CADM2: variants seen among roughly 807,000 people sequenced by gnomAD.
CADM2 encodes the protein cell adhesion molecule 2.
A neutral mutation model predicts 49.8 loss-of-function variants in CADM2; 12 were observed. The observed-to-expected ratio is 0.24, with a 90% CI of 0.15 to 0.39. The LOEUF is 0.39. CADM2 is among the 10% of genes least tolerant of loss of function. CADM2 has a pLI of 1.00. For synonymous variants in CADM2, 214 were observed against 175.4 expected, an observed-to-expected ratio of 1.22 and a Z score of -1.74; for missense variants, 378 against 492.3, an observed-to-expected ratio of 0.77 and a Z score of 2.20.
chr3:85,295,826 T>G (rs1320864183), intron 1 of CADM2, among the ~76,000 whole-genome samples: 2 of 151,892 alleles, frequency 1.3e-5, no homozygotes. Flanking sequence ...TACCTAATGC[T>G]AGATGACGAG....
At chr3:85,213,342 T>C (rs2041846362) in intron 1 of CADM2, among the ~76,000 whole-genome samples, 1 of 150,216 alleles carries the variant, frequency 6.7e-6, no homozygotes, top group African/African-American at 2.5e-5. Context: ...GATATACTAT[T>C]CTAGTATAAT....
chr3:85,946,583 G>A (rs1217053789), intron 7 of CADM2, among the ~76,000 whole-genome samples: 7 of 151,858 alleles, frequency 4.6e-5, no homozygotes. Flanking sequence ...GCATGGTACT[G>A]GTACCAAAAC....
Position 85,338,340 on chromosome 3 carries a change from C to A in CADM2, c.61+378672C>A, listed in dbSNP as rs546111424. ...AAAATACTTTTAATAACTGGTTAAT[C>A]CAATCCACCTTTGTCTAGATGGATT... is the stretch of plus-strand genomic sequence containing the variant. On this transcript the variant is annotated intron_variant, in intron 1 of 9. Coordinates refer to ENST00000383699, the MANE Select transcript of CADM2 (RefSeq NM_001167675.2). Among the ~76,000 whole-genome samples the A allele has an allele frequency of 5.9e-5, 9 of 151,630 alleles. No homozygotes were observed. In the South Asian group the frequency reaches 1.9e-3, roughly 31 times the overall value.
chr3:85,857,829 T>A (rs2075374844), intron 3 of CADM2, among the ~76,000 whole-genome samples: 1 of 152,194 alleles, frequency 6.6e-6, no homozygotes, highest in African/African-American at 2.4e-5. Flanking sequence ...TTTACCACCA[T>A]CAGCAGTGCA....
intron 1 of CADM2, among the ~76,000 whole-genome samples, chr3:85,358,869 G>T (rs1021533804): frequency 6.6e-6 from 1 of 152,110 alleles, no homozygotes; most frequent in Non-Finnish European, 1.5e-5. Context: ...AACGATTGAA[G>T]CTGCAAATAG....
intron 1 of CADM2, among the ~76,000 whole-genome samples, chr3:85,369,815 G>C (rs1232858999): frequency 1.3e-5 from 2 of 152,104 alleles, no homozygotes; most frequent in Non-Finnish European, 2.9e-5. Flanking sequence ...AACTGCTCAA[G>C]TGTCCCTTTG....
At chr3:85,864,780 TTTAGA>T (rs2075663103) in intron 3 of CADM2, among the ~76,000 whole-genome samples, 1 of 152,250 alleles carries the variant, frequency 6.6e-6, no homozygotes, top group African/African-American at 2.4e-5. Context: ...TTAAACACAC[TTTAGA>T]TTATTTATGT....
intron 2 of CADM2, among the ~76,000 whole-genome samples, chr3:85,763,872 G>T (rs1250052230): frequency 6.6e-6 from 1 of 151,974 alleles, no homozygotes; most frequent in Non-Finnish European, 1.5e-5. Flanking sequence ...TACTGATATT[G>T]CCTGGCAGTC....
chr3:85,228,878 A>G (rs1474862597), intron 1 of CADM2, among the ~76,000 whole-genome samples: 4 of 152,108 alleles, frequency 2.6e-5, no homozygotes, highest in Non-Finnish European at 5.9e-5. Context: ...CTCTCTTCAG[A>G]GCTGTCAGGG....
chr3:85,856,654 G>C (rs927371130), intron 3 of CADM2, among the ~76,000 whole-genome samples: 3 of 152,126 alleles, frequency 2.0e-5, no homozygotes, highest in African/African-American at 7.2e-5. Context: ...AATGCAAAAT[G>C]ATCTAATTTA....
chr3:85,810,843 T>C (rs905440746), intron 3 of CADM2, among the ~76,000 whole-genome samples: 2 of 152,124 alleles, frequency 1.3e-5, no homozygotes, highest in Admixed American at 1.3e-4. Context: ...CCTGGCCTCA[T>C]AGCCTTCTTA....
chr3:85,612,869 A>T (rs564919614), intron 1 of CADM2, among the ~76,000 whole-genome samples: 1 of 151,808 alleles, frequency 6.6e-6, no homozygotes, highest in Admixed American at 6.6e-5. Context: ...TGTATTTACC[A>T]TAAAATAACT....
intron 1 of CADM2, among the ~76,000 whole-genome samples, chr3:85,377,053 T>G (rs1403005006): frequency 1.3e-5 from 2 of 152,110 alleles, no homozygotes; most frequent in East Asian, 3.9e-4. Context: ...TTACATTAAA[T>G]TTGCTCTTAT....
intron 1 of CADM2, among the ~76,000 whole-genome samples, chr3:85,693,238 A>G (rs1031540088): frequency 1.3e-5 from 2 of 151,710 alleles, no homozygotes; most frequent in Non-Finnish European, 2.9e-5. Context: ...ACAGAGCCAG[A>G]CTCAAAAACA....
intron 1 of CADM2, among the ~76,000 whole-genome samples, chr3:85,607,910 C>T (rs1373781816): frequency 6.6e-6 from 1 of 152,032 alleles, no homozygotes; most frequent in Non-Finnish European, 1.5e-5. Context: ...TTGCCTTGAC[C>T]TCCCAAAGTG....
At chr3:85,889,141 T>C (rs576730226) in intron 5 of CADM2, among the ~76,000 whole-genome samples, 58 of 152,334 alleles carry the variant, frequency 3.8e-4, no homozygotes, top group African/African-American at 1.1e-3. Flanking sequence ...TTTGGGGTTA[T>C]CAAACATGTT....
At chr3:85,043,444 C>A (rs1463703297) in intron 1 of CADM2, among the ~76,000 whole-genome samples, 1 of 151,922 alleles carries the variant, frequency 6.6e-6, no homozygotes, top group Non-Finnish European at 1.5e-5. Context: ...CTTTAAGAGG[C>A]TGAGGCATGA....
At chr3:85,317,128 T>A (rs2044486697) in intron 1 of CADM2, among the ~76,000 whole-genome samples, 1 of 150,892 alleles carries the variant, frequency 6.6e-6, no homozygotes, top group African/African-American at 2.4e-5. Flanking sequence ...GGTGTTTGCT[T>A]TTTTTGGGGG....
chr3:85,299,253 GT>G (rs1268756817), intron 1 of CADM2, among the ~76,000 whole-genome samples: 1 of 151,944 alleles, frequency 6.6e-6, no homozygotes, highest in Non-Finnish European at 1.5e-5. Flanking sequence ...TATAGACCCA[GT>G]TTTTTTCATA....
Sources: gnomAD v4.1 joint callset for allele counts (sites outside exome capture counted in the v4.1 genomes callset) on GRCh38, gnomAD v4.1.1 for gene constraint, MANE v1.5 for transcripts, NCBI Gene and HGNC (gene_info 2026-07-23, HGNC 2026-07-21) for gene names.